Variants in INTS4 observed in about 807,000 individuals in gnomAD.
INTS4 encodes the protein integrator complex subunit 4, also known as MSTP093.
In INTS4, 70 loss-of-function variants were observed where a neutral mutation model predicts 119.5. That is an observed-to-expected ratio of 0.59 (90% CI 0.48 to 0.71). The LOEUF (loss-of-function observed/expected upper bound fraction) is 0.71. Among genes scored for constraint, INTS4 ranks in the 30% least tolerant of loss-of-function variants. INTS4 has a pLI of 0.00. For synonymous variants in INTS4, 316 were observed against 419.6 expected, an observed-to-expected ratio of 0.75 and a Z score of 3.02; for missense variants, 867 against 1,173.2, an observed-to-expected ratio of 0.74 and a Z score of 3.81.
chr11:77,951,997 TAAAAAGTCAGGAAAC>T (rs766855944), intron 8 of INTS4, among the ~76,000 whole-genome samples: 3 of 152,180 alleles, frequency 2.0e-5, no homozygotes, highest in Non-Finnish European at 2.9e-5. Context: ...TGGCAATCAT[TAAAAAGTCAGGAAAC>T]AACAGGTGCT....
chr11:77,887,027 C>T (rs1469671706), intron 21 of INTS4, among the ~76,000 whole-genome samples: 1 of 151,696 alleles, frequency 6.6e-6, no homozygotes, highest in Non-Finnish European at 1.5e-5. Flanking sequence ...CCTAACATCA[C>T]AATTAAAAGA....
chr11:77,910,675 T>C (rs933417060), intron 15 of INTS4, among the ~76,000 whole-genome samples: 3 of 152,196 alleles, frequency 2.0e-5, no homozygotes, highest in Admixed American at 1.3e-4. Context: ...TTTCAAAGGA[T>C]ATACAATTAA....
intron 11 of INTS4, among the ~76,000 whole-genome samples, chr11:77,925,445 T>C (rs549263090): frequency 2.6e-5 from 4 of 152,170 alleles, no homozygotes; most frequent in Non-Finnish European, 5.9e-5. Flanking sequence ...CCGATAGACT[T>C]GCTCAATGCA....
intron 4 of INTS4, among the ~76,000 whole-genome samples, chr11:77,965,814 T>C (rs184174069): frequency 2.0e-4 from 31 of 152,364 alleles, no homozygotes; most frequent in Admixed American, 1.6e-3. Context: ...TTCAACATAC[T>C]GATTTCAATT....
chr11:77,940,443 G>A (rs1245364901), intron 9 of INTS4, among the ~76,000 whole-genome samples: 1 of 151,970 alleles, frequency 6.6e-6, no homozygotes, highest in Non-Finnish European at 1.5e-5. Context: ...AAAAAAAGAA[G>A]AAAAAATGGC....
At chr11:77,984,582 T>C (rs1369431535) in intron 2 of INTS4, among the ~76,000 whole-genome samples, 1 of 149,196 alleles carries the variant, frequency 6.7e-6, no homozygotes, top group African/African-American at 2.5e-5. Flanking sequence ...GGGGAAAGAG[T>C]TTCAGTTTTA....
chr11:77,981,596 T>G lies in INTS4; in HGVS notation c.247-20A>C. 7.3e-7 allele frequency: 1 copy of G among 1,374,306 alleles called. No individual in the cohort carries two copies. The highest frequency in any genetic ancestry group is 2.4e-5 in the East Asian group (1 of 42,476). The allele number at this position is 1,374,306 out of a possible 1,614,324, so 85.1% of individuals were successfully genotyped here. On this transcript the variant is annotated intron_variant, in intron 2 of 22. Transcript: ENST00000534064. ...ATTCTCCTGGAAAAAAAGAAGCAAT[T>G]GTCACTTTGATGCTTTACACTTAGC... is the stretch of plus-strand genomic sequence containing the variant.
intron 15 of INTS4, among the ~76,000 whole-genome samples, chr11:77,911,837 T>C (rs1392839070): frequency 1.3e-5 from 2 of 152,002 alleles, no homozygotes; most frequent in Non-Finnish European, 2.9e-5. Flanking sequence ...ACAATATGAA[T>C]TGCAATTAAT....
At chr11:77,876,159 G>A (rs143782004), downstream of INTS4, among the ~76,000 whole-genome samples, 950 of 152,256 alleles carry the variant, frequency 6.2e-3, 3 homozygotes, top group Non-Finnish European at 9.8e-3. Context: ...TTTTGTATGA[G>A]GGATGAGGAA....
At chr11:77,966,368 C>A (rs556218410) in intron 4 of INTS4, among the ~76,000 whole-genome samples, 1 of 152,312 alleles carries the variant, frequency 6.6e-6, no homozygotes, top group Admixed American at 6.5e-5. Context: ...AACAAAAAAT[C>A]ATTGCCCAGA....
At chr11:77,921,955 C>T (rs901287300) in intron 13 of INTS4, among the ~76,000 whole-genome samples, 16 of 152,062 alleles carry the variant, frequency 1.1e-4, no homozygotes, top group Admixed American at 5.9e-4. Context: ...CATTTGAATC[C>T]GGGAGGCGGA....
intron 4 of INTS4, chr11:77,963,368 A>AAAAC: frequency 4.3e-5 from 16 of 374,054 alleles, no homozygotes; most frequent in East Asian, 8.5e-5. Flanking sequence ...AAAAAAAAAA[A>AAAAC]AAAAAACAAA....
intron 3 of INTS4, among the ~76,000 whole-genome samples, chr11:77,981,051 TAAGCTG>T (rs903698443): frequency 4.6e-5 from 7 of 152,030 alleles, no homozygotes; most frequent in Admixed American, 1.3e-4. Flanking sequence ...GGTTTCAGTG[TAAGCTG>T]AAATAATCCT....
At chr11:77,948,422 G>A (rs1357263363) in intron 8 of INTS4, among the ~76,000 whole-genome samples, 1 of 152,066 alleles carries the variant, frequency 6.6e-6, no homozygotes, top group Admixed American at 6.5e-5. Flanking sequence ...CAAGGCAGGC[G>A]AATCACTTGA....
chr11:77,980,551 T>A (rs1401872473), intron 3 of INTS4, among the ~76,000 whole-genome samples: 3 of 152,126 alleles, frequency 2.0e-5, no homozygotes, highest in East Asian at 1.9e-4. Context: ...GCTAATTTTT[T>A]AATATTTTGT....
intron 3 of INTS4, 26 bp downstream of exon 3, chr11:77,981,433 T>C: frequency 8.5e-7 from 1 of 1,175,678 alleles, no homozygotes; most frequent in Non-Finnish European, 1.2e-6. Flanking sequence ...CTGCTCTGAC[T>C]ATAGAGCTTT....
At chr11:77,977,673 TA>T (rs1184554665) in intron 4 of INTS4, among the ~76,000 whole-genome samples, 4 of 150,522 alleles carry the variant, frequency 2.7e-5, no homozygotes, top group African/African-American at 9.7e-5. Flanking sequence ...ATTATTATAA[TA>T]AAAAATATAT....
rs141229541 is a variant in INTS4, at chr11:77,958,798, G to A, written c.745C>T (p.Arg249Cys). 3.5e-5 allele frequency: 56 copies of A among 1,610,438 alleles called. No individual in the cohort carries two copies. The highest frequency in any genetic ancestry group is 3.3e-5 in the Non-Finnish European group (39 of 1,178,614). ...KLLSDDYEQV[R>C]SAAVQLIWVV... The stretch of plus-strand genomic sequence containing the variant: ...CAGATAAGCTGGACTGCAGCACTGC[G>A]CACTTGTTCATAGTCATCAGAGAGT... Residue 249 changes from arginine (R) to cysteine (C), a missense_variant, in exon 7 of 23, where the codon CGC becomes TGC. Transcript: ENST00000534064.
intron 10 of INTS4, among the ~76,000 whole-genome samples, chr11:77,934,300 C>T (rs1953736972): frequency 6.6e-6 from 1 of 151,656 alleles, no homozygotes; most frequent in Admixed American, 6.6e-5. Flanking sequence ...GACCCTTGTT[C>T]ACTTGCTTAT....
Sources: allele counts gnomAD v4.1 joint callset (sites outside exome capture counted in the v4.1 genomes callset), GRCh38; gene constraint gnomAD v4.1.1; transcripts MANE v1.5; gene names NCBI Gene and HGNC (gene_info 2026-07-23, HGNC 2026-07-21).